The following CLSTN2 variants were observed in gnomAD, a reference collection of about 807,000 sequenced individuals.
CLSTN2 encodes calsyntenin 2.
A neutral mutation model predicts 101.2 loss-of-function variants in CLSTN2; 48 were observed. The observed-to-expected ratio is 0.47, with a 90% CI of 0.38 to 0.60. The LOEUF (loss-of-function observed/expected upper bound fraction) is 0.60. Among genes scored for constraint, CLSTN2 ranks in the 20% least tolerant of loss-of-function variants. The pLI, the probability that CLSTN2 is intolerant of heterozygous loss-of-function variation, is 0.00. For missense variants in CLSTN2, 1,160 were observed against 1,238.2 expected, an observed-to-expected ratio of 0.94 and a Z score of 0.95; for synonymous variants, 481 against 463.6, an observed-to-expected ratio of 1.04 and a Z score of -0.48.
intron 8 of CLSTN2, among the ~76,000 whole-genome samples, chr3:140,504,189 C>A (rs1272911290): frequency 6.6e-6 from 1 of 152,138 alleles, no homozygotes; most frequent in Non-Finnish European, 1.5e-5. Context: ...ACATGGCAGG[C>A]TCCATGCATA....
At chr3:140,401,925 C>T (rs536234113) in intron 2 of CLSTN2, among the ~76,000 whole-genome samples, 8 of 152,248 alleles carry the variant, frequency 5.3e-5, no homozygotes, top group East Asian at 1.9e-4. Flanking sequence ...TCCCAAAAAA[C>T]GGAAGTGAAT....
intron 9 of CLSTN2, among the ~76,000 whole-genome samples, chr3:140,537,058 C>T (rs1935374558): frequency 6.6e-6 from 1 of 152,172 alleles, no homozygotes; most frequent in Non-Finnish European, 1.5e-5. Context: ...GTTTCTAAAC[C>T]TTCTGAAGTC....
intron 2 of CLSTN2, among the ~76,000 whole-genome samples, chr3:140,384,065 A>C (rs1275365798): frequency 6.6e-6 from 1 of 152,236 alleles, no homozygotes; most frequent in Non-Finnish European, 1.5e-5. Context: ...GTAAACTTGG[A>C]AGCAGCCAAC....
chr3:140,478,872 GAGGA>G (rs34907334), intron 8 of CLSTN2, among the ~76,000 whole-genome samples: 104,272 of 141,354 alleles, frequency 0.74, 39,000 homozygotes, highest in Non-Finnish European at 0.82. Context: ...AAGGGGGAAG[GAGGA>G]AGGAAGGAAG....
chr3:140,395,280 G>A (rs972758129), intron 2 of CLSTN2, among the ~76,000 whole-genome samples: 9 of 152,140 alleles, frequency 5.9e-5, no homozygotes, highest in Non-Finnish European at 1.2e-4. Context: ...GGGAACCAAG[G>A]TTAAGTTATC....
At chr3:139,964,776 C>T (rs1313241553) in intron 1 of CLSTN2, among the ~76,000 whole-genome samples, 1 of 152,180 alleles carries the variant, frequency 6.6e-6, no homozygotes, top group African/African-American at 2.4e-5. Flanking sequence ...TTTCCCTCTT[C>T]ATTTTTATTT....
intron 1 of CLSTN2, among the ~76,000 whole-genome samples, chr3:140,076,272 T>C (rs919811654): frequency 6.6e-6 from 1 of 152,252 alleles, no homozygotes; most frequent in African/African-American, 2.4e-5. Flanking sequence ...TATTCTATTA[T>C]GTGTATATGC....
intron 9 of CLSTN2, among the ~76,000 whole-genome samples, chr3:140,541,165 G>C (rs1037631017): frequency 1.3e-5 from 2 of 152,134 alleles, no homozygotes; most frequent in Admixed American, 1.3e-4. Flanking sequence ...CCAAAGGCTT[G>C]GAAGCAAGCT....
intron 2 of CLSTN2, among the ~76,000 whole-genome samples, chr3:140,365,673 G>A (rs938839051): frequency 4.6e-5 from 7 of 151,988 alleles, no homozygotes; most frequent in African/African-American, 1.7e-4. Context: ...TTCAAAATCT[G>A]ACCCCTGGGG....
At position 140,563,171 on chromosome 3, in the gene CLSTN2, C is replaced by T; in HGVS notation, c.2450C>T (p.Pro817Leu). 3 of 1,614,048 alleles carry T rather than the reference C, an allele frequency of 1.9e-6. No individual in the cohort carries two copies. Among genetic ancestry groups the T allele is most frequent in the Non-Finnish European group, 2.5e-6 (3 of 1,179,990 alleles). ...CCCTTCCTCCAGTCTGTCCATCATC[C>T]TGAGTCCCGGAGTAGCATCCAGCAC... ...QPPFLQSVHH[P>L]ESRSSIQHSS... is the part of the protein sequence containing the mutation. Residue 817 changes from proline to leucine, a missense_variant, in exon 15 of 17, where the codon CCT becomes CTT. Pro to Leu is a moderately conservative substitution (Grantham distance 98, BLOSUM62 -3). Transcript: ENST00000458420.
chr3:140,321,629 G>C (rs1215382021), intron 2 of CLSTN2, among the ~76,000 whole-genome samples: 1 of 152,062 alleles, frequency 6.6e-6, no homozygotes, highest in Non-Finnish European at 1.5e-5. Flanking sequence ...GGGCAGGGAG[G>C]GGGAGGACCT....
intron 2 of CLSTN2, among the ~76,000 whole-genome samples, chr3:140,307,523 C>A (rs980878849): frequency 1.3e-5 from 2 of 152,162 alleles, no homozygotes; most frequent in Non-Finnish European, 2.9e-5. Flanking sequence ...CAGGATTCAG[C>A]ATAAAGTATG....
At chr3:140,103,533 A>G (rs1041512155) in intron 1 of CLSTN2, among the ~76,000 whole-genome samples, 4 of 152,202 alleles carry the variant, frequency 2.6e-5, no homozygotes, top group Non-Finnish European at 5.9e-5. Flanking sequence ...AGCAGCATTG[A>G]TAAGTGAGTT....
intron 1 of CLSTN2, among the ~76,000 whole-genome samples, chr3:139,961,065 T>C (rs1004933026): frequency 1.3e-5 from 2 of 151,892 alleles, no homozygotes; most frequent in Non-Finnish European, 2.9e-5. Context: ...CAAAACTGAG[T>C]AGGATAGCAT....
At chr3:140,189,633 A>G (rs965297113) in intron 2 of CLSTN2, among the ~76,000 whole-genome samples, 2 of 152,232 alleles carry the variant, frequency 1.3e-5, no homozygotes. Flanking sequence ...AGAATTATTT[A>G]CATATTCTAA....
chr3:140,092,756 AG>A (rs2008800289), intron 1 of CLSTN2, among the ~76,000 whole-genome samples: 1 of 152,200 alleles, frequency 6.6e-6, no homozygotes. Flanking sequence ...GAACAATGAA[AG>A]CTCATCCAGT....
At chr3:140,514,642 C>T (rs545752779) in intron 8 of CLSTN2, among the ~76,000 whole-genome samples, 13 of 152,198 alleles carry the variant, frequency 8.5e-5, no homozygotes, top group African/African-American at 3.1e-4. Flanking sequence ...TGGGTAGATT[C>T]CCAGGAGTGG....
Position 140,320,585 on chromosome 3 carries a change from C to T in CLSTN2, c.233-83044C>T, listed in dbSNP as rs2087272474. On this transcript the variant is annotated intron_variant, in intron 2 of 16. Coordinates refer to ENST00000458420, the MANE Select transcript of CLSTN2 (RefSeq NM_022131.3). The stretch of plus-strand genomic sequence containing the variant: ...GACCTGCAGCCATGTAATGCCCATG[C>T]TTCCATTGTATTTGTGTTTTTTTTG... Among the ~76,000 whole-genome samples, 3 of 145,236 alleles carry T rather than the reference C, an allele frequency of 2.1e-5. No homozygotes were observed. The South Asian group carries it at 6.6e-4, about 32-fold the overall frequency.
chr3:140,275,818 G>C (rs1473617092), intron 2 of CLSTN2, among the ~76,000 whole-genome samples: 1 of 152,160 alleles, frequency 6.6e-6, no homozygotes, highest in African/African-American at 2.4e-5. Context: ...AGTACAAAAG[G>C]GTACAGACAA....
Sources: gnomAD v4.1 joint callset for allele counts (sites outside exome capture counted in the v4.1 genomes callset) on GRCh38, gnomAD v4.1.1 for gene constraint, MANE v1.5 for transcripts, NCBI Gene and HGNC (gene_info 2026-07-23, HGNC 2026-07-21) for gene names.